DNAL1: variants seen among roughly 807,000 people sequenced by gnomAD.
The protein encoded by DNAL1 is chromosome 14 open reading frame 168.
In DNAL1, 17 loss-of-function variants were observed where a neutral mutation model predicts 29.4. That is an observed-to-expected ratio of 0.58 (90% CI 0.40 to 0.87). DNAL1 has a LOEUF of 0.87. DNAL1 is among the 40% of genes least tolerant of loss of function. The pLI, the probability that DNAL1 is intolerant of heterozygous loss-of-function variation, is 0.00. For missense variants in DNAL1, 188 were observed against 214.1 expected, an observed-to-expected ratio of 0.88 and a Z score of 0.76; for synonymous variants, 78 against 76.3, an observed-to-expected ratio of 1.02 and a Z score of -0.12.
chr14:73,684,283 A>T (rs1340396413), intron 5 of DNAL1, among the ~76,000 whole-genome samples: 3 of 152,166 alleles, frequency 2.0e-5, no homozygotes, highest in Non-Finnish European at 4.4e-5. Context: ...TCTCTTCGAC[A>T]TACTGTTTTC....
intron 1 of DNAL1, among the ~76,000 whole-genome samples, chr14:73,649,514 C>T (rs2140022593): frequency 6.6e-6 from 1 of 151,336 alleles, no homozygotes; most frequent in Non-Finnish European, 1.5e-5. Context: ...GATCTCCTGA[C>T]CTCGTGATCC....
chr14:73,684,884 ACT>A (rs1891976876), intron 5 of DNAL1, among the ~76,000 whole-genome samples: 1 of 151,982 alleles, frequency 6.6e-6, no homozygotes, highest in South Asian at 2.1e-4. Context: ...ACAGATCGAG[ACT>A]CTGTCTCTAA....
intron 4 of DNAL1, among the ~76,000 whole-genome samples, chr14:73,671,097 T>G (rs185767121): frequency 2.6e-5 from 4 of 152,278 alleles, no homozygotes; most frequent in Non-Finnish European, 5.9e-5. Flanking sequence ...AGAAAATGAT[T>G]TTTTAAATAC....
At chr14:73,649,845 AG>A (rs1891073313) in intron 1 of DNAL1, among the ~76,000 whole-genome samples, 1 of 152,204 alleles carries the variant, frequency 6.6e-6, no homozygotes, top group African/African-American at 2.4e-5. Flanking sequence ...TGGACATTCA[AG>A]TCCCTTACAT....
chr14:73,695,624 G>T (rs551919996), intron 7 of DNAL1, among the ~76,000 whole-genome samples: 1 of 152,094 alleles, frequency 6.6e-6, no homozygotes, highest in East Asian at 1.9e-4. Context: ...CTGCCTCCCG[G>T]GTTCAAGCGA....
At chr14:73,658,977 TC>T in intron 3 of DNAL1, 21 bp downstream of exon 3, 1 of 1,401,854 alleles carries the variant, frequency 7.1e-7, no homozygotes, top group Non-Finnish European at 9.5e-7. Flanking sequence ...TTTTCATCCT[TC>T]CAGTATTGCT....
At chr14:73,688,486 G>A (rs1566891172) in intron 6 of DNAL1, among the ~76,000 whole-genome samples, 1 of 151,982 alleles carries the variant, frequency 6.6e-6, no homozygotes, top group Non-Finnish European at 1.5e-5. Flanking sequence ...AGCCAGGTGT[G>A]GTGGTACATG....
Position 73,663,715 on chromosome 14 carries a change from A to C in DNAL1, c.208+1673A>C, listed in dbSNP as rs1444996102. ...TAGTTCATTGCCTCATGACTGAGAA[A>C]GTTAAGGAATGTGGATGCAAAGGGT... On this transcript the variant is annotated intron_variant, in intron 4 of 7. Transcript: ENST00000553645. Among the ~76,000 whole-genome samples, 5 of 152,152 alleles carry C rather than the reference A, an allele frequency of 3.3e-5. No individual in the cohort carries two copies. In the East Asian group the frequency reaches 9.6e-4, roughly 29 times the overall value.
intron 5 of DNAL1, among the ~76,000 whole-genome samples, chr14:73,679,685 G>T (rs896093124): frequency 5.3e-5 from 8 of 152,004 alleles, no homozygotes; most frequent in Non-Finnish European, 1.0e-4. Context: ...TACCTTATTC[G>T]TGGTTACCAA....
At chr14:73,678,991 TTTTA>T (rs1038880843) in intron 5 of DNAL1, among the ~76,000 whole-genome samples, 1 of 152,138 alleles carries the variant, frequency 6.6e-6, no homozygotes, top group Non-Finnish European at 1.5e-5. Context: ...ACTTTTCTAT[TTTTA>T]TTTATTTATT....
rs992432149 is a variant in DNAL1, at chr14:73,698,380, C to T, written c.*2438C>T. 1.4e-4 allele frequency: 22 copies of T among 152,168 alleles called. No homozygotes were observed. Among genetic ancestry groups the T allele is most frequent in the Non-Finnish European group, 2.9e-4 (20 of 68,036 alleles). The allele number at this position is 152,168 out of a possible 1,614,324, so 9.4% of individuals were successfully genotyped here. A position where few individuals can be genotyped will look rare whatever the true frequency, so the allele number is the denominator to read the frequency against. On this transcript the variant is annotated 3_prime_UTR_variant, in exon 8 of 8. Coordinates refer to ENST00000553645, the MANE Select transcript of DNAL1 (RefSeq NM_031427.4). Reference sequence around the variant, plus strand: ...TCATTCCCTAAATTATCCTTTACTGCTGCAAATTTAGCTGATAAAACTGCC... The same window carrying T: ...TCATTCCCTAAATTATCCTTTACTGTTGCAAATTTAGCTGATAAAACTGCC...
At chr14:73,683,431 A>G (rs1891938885) in intron 5 of DNAL1, among the ~76,000 whole-genome samples, 1 of 152,142 alleles carries the variant, frequency 6.6e-6, no homozygotes, top group Non-Finnish European at 1.5e-5. Context: ...TTTCAGCCCT[A>G]TTATAATCTT....
chr14:73,681,633 A>AAAT (rs1555402645), intron 5 of DNAL1, among the ~76,000 whole-genome samples: 2 of 35,420 alleles, frequency 5.6e-5, no homozygotes, highest in African/African-American at 4.3e-4. Flanking sequence ...AAAAAAAAAA[A>AAAT]ATATATATAT....
intron 4 of DNAL1, among the ~76,000 whole-genome samples, chr14:73,669,617 G>T (rs949653027): frequency 5.3e-5 from 8 of 151,934 alleles, no homozygotes; most frequent in Middle Eastern, 3.4e-3. Flanking sequence ...TTCTGTAAAG[G>T]CAGAGTCTTT....
intron 1 of DNAL1, chr14:73,651,259 G>A (rs1891108800): frequency 6.6e-6 from 1 of 152,212 alleles, no homozygotes; most frequent in Non-Finnish European, 1.5e-5. Context: ...TGGGATTGCA[G>A]GCATGAGCCA....
Position 73,648,711 on chromosome 14 carries a change from A to G in DNAL1, c.3+3669A>G, listed in dbSNP as rs183996891. On this transcript the variant is annotated intron_variant, in intron 1 of 7. Coordinates refer to ENST00000553645, the MANE Select transcript of DNAL1 (RefSeq NM_031427.4). The stretch of plus-strand genomic sequence containing the variant: ...ATTACAAGCGTGAGCCACCATGCCC[A>G]GCCTTCTTGATATTCTTATTAGTCA... Among the ~76,000 whole-genome samples, 276 of 151,060 alleles carry G rather than the reference A, an allele frequency of 1.8e-3. 2 individuals carry two copies. The highest frequency in any genetic ancestry group is 7.7e-3 in the Admixed American group (117 of 15,192).
intron 5 of DNAL1, among the ~76,000 whole-genome samples, chr14:73,679,298 C>T (rs887292062): frequency 6.6e-6 from 1 of 152,224 alleles, no homozygotes; most frequent in Non-Finnish European, 1.5e-5. Context: ...CCGGCCAAGA[C>T]TTTTGTTTTT....
intron 7 of DNAL1, among the ~76,000 whole-genome samples, chr14:73,693,559 AG>A (rs150596863): frequency 0.035 from 5,336 of 152,292 alleles, 340 homozygotes; most frequent in African/African-American, 0.12. Flanking sequence ...GAATAAAAGA[AG>A]CCAGACACAG....
chr14:73,689,867 C>A (rs902215188), intron 7 of DNAL1, among the ~76,000 whole-genome samples: 4 of 151,904 alleles, frequency 2.6e-5, no homozygotes, highest in African/African-American at 9.7e-5. Context: ...GAAACCCCAT[C>A]TCTACTAAAA....
Sources: gnomAD v4.1 joint callset for allele counts (sites outside exome capture counted in the v4.1 genomes callset) on GRCh38, gnomAD v4.1.1 for gene constraint, MANE v1.5 for transcripts, NCBI Gene and HGNC (gene_info 2026-07-23, HGNC 2026-07-21) for gene names.